The following TENM1 variants were observed in gnomAD, a reference collection of about 807,000 sequenced individuals.
TENM1 encodes the protein teneurin-1.
A neutral mutation model predicts 174.8 loss-of-function variants in TENM1; 35 were observed. The ratio of observed to expected loss-of-function variants is 0.20; its 90% CI spans 0.15 to 0.27. The LOEUF is 0.27. TENM1 is among the 10% of genes least tolerant of loss of function. TENM1 has a pLI of 1.00. For synonymous variants in TENM1, 781 were observed against 798.7 expected (o/e 0.98, Z 0.37); for missense variants, 1,633 against 2,130.1 (o/e 0.77, Z 4.59).
intron 3 of TENM1, among the ~76,000 whole-genome samples, chrX:124,746,681 T>A (rs2053926696): frequency 8.9e-6 from 1 of 112,021 alleles, no homozygotes; most frequent in South Asian, 3.7e-4. Flanking sequence ...TAATGATGTC[T>A]TTTCACATGT....
At chrX:124,836,257 C>T (rs1239260589) in intron 3 of TENM1, among the ~76,000 whole-genome samples, 1 of 111,116 alleles carries the variant, frequency 9.0e-6, no homozygotes, top group African/African-American at 3.3e-5. Context: ...TCTATCTTCC[C>T]CCACTCCCAG....
the TENM1 span, among the ~76,000 whole-genome samples, chrX:124,973,516 T>C: frequency 3.6e-5 from 4 of 112,010 alleles, no homozygotes; most frequent in South Asian, 1.5e-3. Context: ...TTCCATGACA[T>C]TGATTCTTCG....
At chrX:124,996,718 C>G in the TENM1 span, among the ~76,000 whole-genome samples, 1 of 110,876 alleles carries the variant, frequency 9.0e-6, no homozygotes, top group Non-Finnish European at 1.9e-5. Flanking sequence ...GAAGGTACAG[C>G]AGGCTAATCA....
chrX:124,734,846 T>C (rs868495467), intron 4 of TENM1, among the ~76,000 whole-genome samples: 1 of 112,313 alleles, frequency 8.9e-6, no homozygotes, highest in Middle Eastern at 4.2e-3. Flanking sequence ...ACCCATTTTT[T>C]ACATACAAAT....
At chrX:124,995,673 C>T in the TENM1 span, among the ~76,000 whole-genome samples, 54 of 111,561 alleles carry the variant, frequency 4.8e-4, no homozygotes, top group Middle Eastern at 0.014. Flanking sequence ...AATAATAAAT[C>T]ATATGCCTTG....
the TENM1 span, among the ~76,000 whole-genome samples, chrX:125,064,606 G>T: frequency 2.2e-4 from 24 of 111,227 alleles, no homozygotes; most frequent in African/African-American, 6.9e-4. Context: ...AAATAATCTT[G>T]TTTGTGATTT....
chrX:125,124,273 G>T, the TENM1 span, among the ~76,000 whole-genome samples: 1 of 112,276 alleles, frequency 8.9e-6, no homozygotes, highest in Non-Finnish European at 1.9e-5. Context: ...CACAATTAGT[G>T]TAAAAAATAC....
chrX:124,826,745 G>T (rs780352506), intron 3 of TENM1, among the ~76,000 whole-genome samples: 1 of 111,616 alleles, frequency 9.0e-6, no homozygotes, highest in South Asian at 3.7e-4. Flanking sequence ...GCACTTGTCT[G>T]TACTTTCTAC....
intron 1 of TENM1, among the ~76,000 whole-genome samples, chrX:124,939,322 A>G (rs2058291689): frequency 9.0e-6 from 1 of 110,710 alleles, no homozygotes; most frequent in African/African-American, 3.3e-5. Flanking sequence ...GCTCTTTTCT[A>G]TGGTGGTCTG....
the TENM1 span, among the ~76,000 whole-genome samples, chrX:125,158,270 G>A: frequency 1.8e-5 from 2 of 108,432 alleles, no homozygotes; most frequent in Non-Finnish European, 3.8e-5. Context: ...GGGCATGGTG[G>A]TGCATGCCTG....
At chrX:125,198,093 A>G in the TENM1 span, among the ~76,000 whole-genome samples, 1 of 112,185 alleles carries the variant, frequency 8.9e-6, no homozygotes, top group African/African-American at 3.2e-5. Flanking sequence ...AAACATTAAA[A>G]GGCAATTTCC....
intron 22 of TENM1, among the ~76,000 whole-genome samples, chrX:124,470,628 CT>C (rs201199246): frequency 6.3e-5 from 7 of 111,222 alleles, no homozygotes; most frequent in African/African-American, 2.3e-4. Flanking sequence ...TTCTCCTACT[CT>C]TTTTTAAAAA....
At chrX:124,715,439 CT>C (rs2053155017) in intron 4 of TENM1, among the ~76,000 whole-genome samples, 1 of 109,998 alleles carries the variant, frequency 9.1e-6, no homozygotes, top group Admixed American at 9.7e-5. Flanking sequence ...TTACATTTCC[CT>C]TTGCTGAAAG....
chrX:125,200,654 T>TGTGAGAGAGAGAGAGAGA, the TENM1 span, among the ~76,000 whole-genome samples: 149 of 92,411 alleles, frequency 1.6e-3, no homozygotes, highest in African/African-American at 5.7e-3. Context: ...TGTGTGTGTG[T>TGTGAGAGAGAGAGAGAGA]GAGAGAGAGA....
At chrX:124,656,670 T>C (rs1303029971) in intron 6 of TENM1, among the ~76,000 whole-genome samples, 1 of 112,168 alleles carries the variant, frequency 8.9e-6, no homozygotes, top group Non-Finnish European at 1.9e-5. Context: ...GACCACTAAA[T>C]AGACTGCTCC....
At chrX:124,625,372 C>A (rs961740383) in intron 11 of TENM1, among the ~76,000 whole-genome samples, 1 of 110,698 alleles carries the variant, frequency 9.0e-6, no homozygotes, top group Non-Finnish European at 1.9e-5. Context: ...TCACTATAAT[C>A]ATTAAGAAGG....
At chrX:125,113,699 A>T in the TENM1 span, among the ~76,000 whole-genome samples, 2 of 111,330 alleles carry the variant, frequency 1.8e-5, no homozygotes, top group Non-Finnish European at 3.8e-5. Flanking sequence ...TCAACACAAC[A>T]AAAAGAGCTA....
At chrX:125,098,002 G>T in the TENM1 span, among the ~76,000 whole-genome samples, 2 of 112,532 alleles carry the variant, frequency 1.8e-5, no homozygotes, top group African/African-American at 6.5e-5. Context: ...GGTGGCTCAC[G>T]CCTGTAATCC....
chrX:124,683,053 A>G (rs1377929092), intron 5 of TENM1, among the ~76,000 whole-genome samples: 2 of 111,885 alleles, frequency 1.8e-5, no homozygotes, highest in Non-Finnish European at 3.8e-5. Flanking sequence ...CTAAAAAAAT[A>G]TATGAGAAAC....
Sources: allele counts gnomAD v4.1 joint callset (sites outside exome capture counted in the v4.1 genomes callset), GRCh38; gene constraint gnomAD v4.1.1; transcripts MANE v1.5; gene names NCBI Gene and HGNC (gene_info 2026-07-23, HGNC 2026-07-21).